Variants in NDUFB3 observed in about 807,000 individuals in gnomAD.
NDUFB3 encodes the protein NADH dehydrogenase [ubiquinone] 1 beta subcomplex subunit 3.
In NDUFB3, 7 loss-of-function variants were observed where a neutral mutation model predicts 9.0. That is an observed-to-expected ratio of 0.78 (90% CI 0.44 to 1.46). The LOEUF is 1.46. NDUFB3 is among the 40% of genes most tolerant of loss of function. NDUFB3 has a pLI of 0.01. For missense variants in NDUFB3, 93 were observed against 115.4 expected (o/e 0.81, Z 0.89); for synonymous variants, 29 against 38.5 (o/e 0.75, Z 0.91).
At chr2:201,074,022 G>A (rs1411117068) in intron 1 of NDUFB3, among the ~76,000 whole-genome samples, 2 of 151,820 alleles carry the variant, frequency 1.3e-5, no homozygotes, top group Non-Finnish European at 2.9e-5. Flanking sequence ...GCGCGATCTC[G>A]GCTTAGTGCA....
At chr2:201,074,798 G>A (rs1365135632) in intron 1 of NDUFB3, among the ~76,000 whole-genome samples, 1 of 152,132 alleles carries the variant, frequency 6.6e-6, no homozygotes, top group Non-Finnish European at 1.5e-5. Context: ...CAGAATGGTT[G>A]TGCTTAGTTA....
chr2:201,076,829 A>G (rs1191410816), intron 1 of NDUFB3, among the ~76,000 whole-genome samples: 1 of 152,084 alleles, frequency 6.6e-6, no homozygotes, highest in Non-Finnish European at 1.5e-5. Flanking sequence ...GGCCAGGCAC[A>G]GTGGCTCACG....
intron 2 of NDUFB3, among the ~76,000 whole-genome samples, chr2:201,079,292 G>C (rs907882451): frequency 1.3e-5 from 2 of 151,986 alleles, no homozygotes; most frequent in Non-Finnish European, 2.9e-5. Flanking sequence ...TTACAGGCAC[G>C]CGCCACCAAG....
intron 2 of NDUFB3, among the ~76,000 whole-genome samples, chr2:201,083,724 T>C (rs2047258611): frequency 6.6e-6 from 1 of 152,224 alleles, no homozygotes; most frequent in South Asian, 2.1e-4. Flanking sequence ...GTTTTTCCTT[T>C]TTATTCTGTT....
At chr2:201,079,382 A>G (rs1024861026) in intron 2 of NDUFB3, among the ~76,000 whole-genome samples, 29 of 151,796 alleles carry the variant, frequency 1.9e-4, no homozygotes, top group African/African-American at 6.8e-4. Context: ...TGACCTCGTG[A>G]TCCACCTGCC....
At chr2:201,082,775 G>A (rs941902351) in intron 2 of NDUFB3, among the ~76,000 whole-genome samples, 4 of 142,716 alleles carry the variant, frequency 2.8e-5, no homozygotes, top group Non-Finnish European at 4.5e-5. Flanking sequence ...CTGCAGTGGC[G>A]CAATCTCGGC....
chr2:201,083,575 G>A (rs960748603), intron 2 of NDUFB3, among the ~76,000 whole-genome samples: 6 of 151,486 alleles, frequency 4.0e-5, no homozygotes, highest in South Asian at 2.1e-4. Flanking sequence ...TCAAGCTCCC[G>A]ACCTCAGGTG....
At chr2:201,072,394 A>G (rs1167882870) in intron 1 of NDUFB3, 1 of 152,232 alleles carries the variant, frequency 6.6e-6, no homozygotes, top group African/African-American at 2.4e-5. Context: ...TTATGTTCTA[A>G]TATTCATATA....
intron 2 of NDUFB3, among the ~76,000 whole-genome samples, chr2:201,084,622 G>A (rs1179955200): frequency 6.6e-6 from 1 of 152,154 alleles, no homozygotes; most frequent in Admixed American, 6.6e-5. Context: ...CAGTGACAGA[G>A]CAAGACTCCA....
intron 2 of NDUFB3, among the ~76,000 whole-genome samples, chr2:201,083,369 T>TTTG (rs2047252024): frequency 6.6e-6 from 1 of 150,634 alleles, no homozygotes. Flanking sequence ...TTTTTTTTTT[T>TTTG]TTGAGACAGA....
At chr2:201,081,309 C>A (rs1346760552) in intron 2 of NDUFB3, among the ~76,000 whole-genome samples, 1 of 151,384 alleles carries the variant, frequency 6.6e-6, no homozygotes, top group African/African-American at 2.4e-5. Flanking sequence ...CATGGGAAAC[C>A]CTGTCTCTAC....
chr2:201,083,863 A>C (rs2047260304), intron 2 of NDUFB3, among the ~76,000 whole-genome samples: 1 of 152,176 alleles, frequency 6.6e-6, no homozygotes, highest in Non-Finnish European at 1.5e-5. Flanking sequence ...AAATTTTGTT[A>C]AGAATATTTG....
At chr2:201,078,685 A>T (rs543676906) in intron 1 of NDUFB3, among the ~76,000 whole-genome samples, 196 bp from the exon 2 acceptor site, 31 of 152,262 alleles carry the variant, frequency 2.0e-4, no homozygotes, top group Admixed American at 9.2e-4. Context: ...TATTTTGTGT[A>T]TGTGTATTTC....
Position 201,079,033 on chromosome 2 carries a change from T to C in NDUFB3, c.140+11T>C. On this transcript the variant is annotated intron_variant, in intron 2 of 2. Transcript: ENST00000237889. ...GGATCCATGGGGCCGGTAAGATGAA[T>C]TAAGTAATTTAGATAGAATGTATCC... is the stretch of plus-strand genomic sequence containing the variant. 1 of 1,604,472 alleles carries C rather than the reference T, an allele frequency of 6.2e-7. No homozygotes were observed. The highest frequency in any genetic ancestry group is 1.1e-5 in the South Asian group (1 of 89,066).
At chr2:201,077,264 AT>A (rs1371477598) in intron 1 of NDUFB3, among the ~76,000 whole-genome samples, 4 of 152,178 alleles carry the variant, frequency 2.6e-5, no homozygotes, top group Admixed American at 6.6e-5. Flanking sequence ...GTAAAAAAAA[AT>A]AAAAGGATTG....
Position 201,085,672 on chromosome 2 carries a change from C to G in NDUFB3, c.*57C>G. On this transcript the variant is annotated 3_prime_UTR_variant, in exon 3 of 3. Transcript: ENST00000237889. ...TTAACTCTCCAAAATAAGATTTCTT[C>G]TCTGTAGCCTACTTGTCTGGTTTAT... The G allele has an allele frequency of 6.8e-7, 1 of 1,464,198 alleles. No individual in the cohort carries two copies. The highest frequency in any genetic ancestry group is 2.0e-5 in the Admixed American group (1 of 49,480). 90.7% of individuals were successfully genotyped at this position (1,464,198 alleles called of 1,614,324 possible). A position where few individuals can be genotyped will look rare whatever the true frequency, so the allele number is the denominator to read the frequency against.
chr2:201,075,589 G>T (rs925463026), intron 1 of NDUFB3, among the ~76,000 whole-genome samples: 3 of 149,806 alleles, frequency 2.0e-5, no homozygotes, highest in South Asian at 2.1e-4. Context: ...AAAAAAAAAG[G>T]TATATTTAGT....
rs548677549 is a variant in NDUFB3 at position 201,073,749 on chromosome 2, C to T, written c.-3+1690C>T. On this transcript the variant is annotated intron_variant, in intron 1 of 2. Coordinates refer to ENST00000237889, the MANE Select transcript of NDUFB3 (RefSeq NM_002491.3). Reference sequence around the variant, plus strand: ...CACCACCCACTGCACTCCAGCCTGGCGACAGAGTGATACTCCATCTCAAAA... The same window carrying T: ...CACCACCCACTGCACTCCAGCCTGGTGACAGAGTGATACTCCATCTCAAAA... Among the ~76,000 whole-genome samples the T allele has an allele frequency of 1.1e-3, 169 of 151,202 alleles. 2 individuals are homozygous for T. The highest frequency in any genetic ancestry group is 3.9e-3 in the African/African-American group (160 of 41,116).
intron 2 of NDUFB3, among the ~76,000 whole-genome samples, chr2:201,082,197 G>A (rs573823275): frequency 4.6e-5 from 7 of 151,872 alleles, no homozygotes; most frequent in South Asian, 2.1e-4. Context: ...CAAGTGATCC[G>A]CTCGCCTCAG....
Sources: allele counts gnomAD v4.1 joint callset (sites outside exome capture counted in the v4.1 genomes callset), GRCh38; gene constraint gnomAD v4.1.1; transcripts MANE v1.5; gene names NCBI Gene and HGNC (gene_info 2026-07-23, HGNC 2026-07-21).